Variants in MAGI1 observed in about 807,000 individuals in gnomAD.
MAGI1 encodes membrane associated guanylate kinase, WW and PDZ domain containing 1, also known as membrane-associated guanylate kinase, WW and PDZ domain-containing protein 1.
MAGI1 carries 58 observed loss-of-function variants against 139.9 expected under a neutral mutation model. The ratio of observed to expected loss-of-function variants is 0.41; its 90% confidence interval spans 0.34 to 0.52. MAGI1 has a LOEUF of 0.52. MAGI1 is among the 20% of genes least tolerant of loss of function. MAGI1 has a pLI of 0.12. For missense variants in MAGI1, 1,874 were observed against 1,901.6 expected (o/e 0.99, Z 0.27); for synonymous variants, 812 against 737.9 (o/e 1.10, Z -1.63).
At chr3:65,790,781 C>T (rs758632220) in intron 1 of MAGI1, among the ~76,000 whole-genome samples, 3 of 152,146 alleles carry the variant, frequency 2.0e-5, no homozygotes, top group Non-Finnish European at 4.4e-5. Context: ...GCTGGTACAA[C>T]GAAGATTGTG....
Position 65,844,763 on chromosome 3 carries a change from T to C in MAGI1, c.313+193233A>G, listed in dbSNP as rs1018821133. Among the ~76,000 whole-genome samples the C allele has an allele frequency of 3.9e-5, 6 of 152,128 alleles. No homozygotes were observed. In the East Asian group the frequency reaches 9.7e-4, roughly 24 times the overall value. ...ATTTTAGAGCATTTTCCAGTGCAGA[T>C]TGGATCCAATCTAAACACATAGAAT... On this transcript the variant is annotated intron_variant, in intron 1 of 22. Coordinates refer to ENST00000402939, the MANE Select transcript of MAGI1 (RefSeq NM_001033057.2).
intron 1 of MAGI1, among the ~76,000 whole-genome samples, chr3:65,805,051 C>T (rs192382450): frequency 1.3e-5 from 2 of 152,196 alleles, no homozygotes; most frequent in Non-Finnish European, 2.9e-5. Context: ...ACAAAAACAT[C>T]AAAAACAATT....
At chr3:65,446,276 C>T (rs1451577720) in intron 7 of MAGI1, among the ~76,000 whole-genome samples, 1 of 152,120 alleles carries the variant, frequency 6.6e-6, no homozygotes, top group South Asian at 2.1e-4. Flanking sequence ...CTCATAAGCA[C>T]CATGGGAGCT....
intron 1 of MAGI1, among the ~76,000 whole-genome samples, chr3:66,030,848 A>AG (rs1262759400): frequency 6.6e-6 from 1 of 152,230 alleles, no homozygotes; most frequent in Non-Finnish European, 1.5e-5. Context: ...CCATAAAAAG[A>AG]GAAGATTTCT....
intron 1 of MAGI1, among the ~76,000 whole-genome samples, chr3:65,648,098 G>A (rs2085363604): frequency 6.6e-6 from 1 of 151,706 alleles, no homozygotes; most frequent in African/African-American, 2.4e-5. Context: ...GTACTAATAA[G>A]TGAATGCAGA....
At chr3:65,830,017 T>C (rs376756233) in intron 1 of MAGI1, among the ~76,000 whole-genome samples, 172 of 152,214 alleles carry the variant, frequency 1.1e-3, no homozygotes, top group African/African-American at 3.4e-3. Flanking sequence ...ACGTGAAAAA[T>C]GACATTCCAG....
At chr3:65,694,602 C>A (rs180823500) in intron 1 of MAGI1, among the ~76,000 whole-genome samples, 1 of 152,164 alleles carries the variant, frequency 6.6e-6, no homozygotes, top group African/African-American at 2.4e-5. Flanking sequence ...TCGGCAACAC[C>A]AAAAGTTGAT....
At chr3:65,940,513 A>C (rs944733398) in intron 1 of MAGI1, among the ~76,000 whole-genome samples, 2 of 152,150 alleles carry the variant, frequency 1.3e-5, no homozygotes, top group Admixed American at 1.3e-4. Flanking sequence ...AAGAGCACTA[A>C]TCCCATTCAT....
chr3:65,583,671 A>T (rs554460568), intron 2 of MAGI1, among the ~76,000 whole-genome samples: 9 of 152,240 alleles, frequency 5.9e-5, no homozygotes, highest in African/African-American at 2.2e-4. Flanking sequence ...CTCACTATAA[A>T]CTGCACTCCC....
chr3:65,379,507 T>C lies in MAGI1; in HGVS notation c.2749A>G (p.Ser917Gly), dbSNP rs766421426. 7 of 1,613,696 alleles carry C rather than the reference T, an allele frequency of 4.3e-6. No homozygotes were observed. The East Asian group carries it at 1.3e-4, about 31-fold the overall frequency. The change falls in exon 17 of 23, where the codon AGT becomes GGT. Residue 917 changes from serine to glycine, a missense_variant. Around this residue, in one of 5 missense-constraint regions of MAGI1, gnomAD observed 482 missense variants for 509.6 expected, o/e 0.95. Transcript: ENST00000402939. ...GTCAGCGAGGCCGGCTGGTTGCTAC[T>C]GTGATGAGAGGAGGCTGGCGAGGGC... ...EVPSPASSHH[S>G]SNQPASLTEE...
At chr3:65,391,445 A>G in intron 13 of MAGI1, 87 bp from the exon 14 acceptor site, 3 of 1,138,570 alleles carry the variant, frequency 2.6e-6, no homozygotes, top group Non-Finnish European at 3.8e-6. Context: ...GTCTTTGTTT[A>G]GCACTTTTGC....
intron 1 of MAGI1, among the ~76,000 whole-genome samples, chr3:65,729,760 G>C (rs2033999930): frequency 6.6e-6 from 1 of 152,186 alleles, no homozygotes; most frequent in Non-Finnish European, 1.5e-5. Flanking sequence ...AGTCTCCCAA[G>C]AGAATCTCTG....
chr3:65,978,639 T>TC (rs2065387954), intron 1 of MAGI1, among the ~76,000 whole-genome samples: 1 of 142,868 alleles, frequency 7.0e-6, no homozygotes, highest in African/African-American at 2.5e-5. Flanking sequence ...TTTTTTTTTT[T>TC]CTTTTTGAGA....
At chr3:65,793,149 G>A (rs186003146) in intron 1 of MAGI1, among the ~76,000 whole-genome samples, 213 of 152,310 alleles carry the variant, frequency 1.4e-3, no homozygotes, top group Non-Finnish European at 2.2e-3. Context: ...AGGGATGTTG[G>A]AAGGCACAAG....
chr3:65,830,286 C>A, intron 1 of MAGI1, among the ~76,000 whole-genome samples: 1 of 150,540 alleles, frequency 6.6e-6, no homozygotes, highest in African/African-American at 2.4e-5. Flanking sequence ...TTGTGTAATG[C>A]TAAAACCACA....
intron 1 of MAGI1, among the ~76,000 whole-genome samples, chr3:65,807,008 C>G (rs775260748): frequency 6.6e-6 from 1 of 152,202 alleles, no homozygotes; most frequent in African/African-American, 2.4e-5. Flanking sequence ...CAGTACTCTA[C>G]TCAGATGCTA....
intron 1 of MAGI1, among the ~76,000 whole-genome samples, chr3:66,019,520 T>C (rs974410661): frequency 1.3e-5 from 2 of 152,276 alleles, no homozygotes; most frequent in African/African-American, 2.4e-5. Flanking sequence ...TGCAGTTTAC[T>C]AGCTGTTAAG....
At chr3:65,890,229 G>A (rs1402324257) in intron 1 of MAGI1, among the ~76,000 whole-genome samples, 2 of 152,292 alleles carry the variant, frequency 1.3e-5, no homozygotes, top group South Asian at 2.1e-4. Context: ...GCCGGGCGTG[G>A]TGGCGGGCGC....
At chr3:65,656,103 CTAA>C (rs2085860107) in intron 1 of MAGI1, among the ~76,000 whole-genome samples, 1 of 151,980 alleles carries the variant, frequency 6.6e-6, no homozygotes, top group Non-Finnish European at 1.5e-5. Flanking sequence ...ATATAATCTC[CTAA>C]TGTCATCAAG....
Sources: gnomAD v4.1 joint callset for allele counts (sites outside exome capture counted in the v4.1 genomes callset) on GRCh38, gnomAD v4.1.1 for gene constraint, gnomAD v4.1.1 regional missense constraint, MANE v1.5 for transcripts, NCBI Gene and HGNC (gene_info 2026-07-23, HGNC 2026-07-21) for gene names.